CACNB4: variants seen among roughly 807,000 people sequenced by gnomAD.
CACNB4 encodes calcium voltage-gated channel auxiliary subunit beta 4.
In CACNB4, 32 loss-of-function variants were observed where a neutral mutation model predicts 71.2. That is an observed-to-expected ratio of 0.45 (90% CI 0.34 to 0.60). The LOEUF (loss-of-function observed/expected upper bound fraction) is 0.60, where lower values mean the gene tolerates loss of function less well. Among genes scored for constraint, CACNB4 ranks in the 20% least tolerant of loss-of-function variants. The probability of loss-of-function intolerance (pLI) is 0.01; values close to 1 mark genes in which losing one functional copy is unlikely to be tolerated. For synonymous variants in CACNB4, 231 were observed against 236.9 expected, an observed-to-expected ratio of 0.97 and a Z score of 0.23; for missense variants, 464 against 647.9, an observed-to-expected ratio of 0.72 and a Z score of 3.08.
chr2:151,872,645 T>C, intron 5 of CACNB4, 152 bp from the exon 6 acceptor site: 1 of 530,292 alleles, frequency 1.9e-6, no homozygotes, highest in South Asian at 2.5e-5. Context: ...TATCCAAATG[T>C]TTTCTTTGAC....
intron 2 of CACNB4, among the ~76,000 whole-genome samples, chr2:152,025,037 C>G (rs767176958): frequency 3.3e-5 from 5 of 152,190 alleles, no homozygotes. Flanking sequence ...GCCTGGGCAA[C>G]AGAGTGAGAC....
chr2:152,086,166 CAG>C (rs1165625397), intron 2 of CACNB4, among the ~76,000 whole-genome samples: 4 of 152,160 alleles, frequency 2.6e-5, no homozygotes, highest in Non-Finnish European at 4.4e-5. Context: ...ATCGATTTGA[CAG>C]AGTTTTTAAA....
At chr2:151,953,586 C>T (rs1006439366) in intron 2 of CACNB4, among the ~76,000 whole-genome samples, 1 of 152,182 alleles carries the variant, frequency 6.6e-6, no homozygotes, top group Non-Finnish European at 1.5e-5. Flanking sequence ...GTGTGGAGCA[C>T]AATTGTCCAA....
chr2:151,870,689 T>C lies in CACNB4; in HGVS notation c.619-78A>G. The C allele has an allele frequency of 3.0e-6, 4 of 1,333,890 alleles. No individual in the cohort carries two copies. The South Asian group carries it at 3.7e-5, about 12-fold the overall frequency. 82.6% of individuals were successfully genotyped at this position (1,333,890 alleles called of 1,614,324 possible). On this transcript the variant is annotated intron_variant, in intron 7 of 13. Coordinates refer to ENST00000539935, the MANE Select transcript of CACNB4 (RefSeq NM_000726.5). ...CACAGCCACAACATTCATAATTTCATAATTCTCAGGTTGAACGACAAATGA... is the reference window on the plus strand; with the variant it reads ...CACAGCCACAACATTCATAATTTCACAATTCTCAGGTTGAACGACAAATGA...
chr2:151,869,062 T>C, intron 9 of CACNB4, 115 bp downstream of exon 9: 1 of 669,292 alleles, frequency 1.5e-6, no homozygotes. Flanking sequence ...GAATACTGAG[T>C]TAACTTTTAA....
At chr2:152,038,293 G>T (rs1009248414) in intron 2 of CACNB4, among the ~76,000 whole-genome samples, 1 of 152,212 alleles carries the variant, frequency 6.6e-6, no homozygotes, top group Non-Finnish European at 1.5e-5. Flanking sequence ...TGCACAAGTT[G>T]CTGAGAACCA....
In CACNB4 at chr2:152,033,039, C is replaced by T. The variant is rs137963188; in HGVS notation, c.147+65291G>A. ...TCCCCTGCAGAGGTTCTGCTTCAGG[C>T]CTAAGTGAGGCAGTGGCAGCCAGGC... On this transcript the variant is annotated intron_variant, in intron 2 of 13. Coordinates refer to ENST00000539935, the MANE Select transcript of CACNB4 (RefSeq NM_000726.5). Among the ~76,000 whole-genome samples the T allele has an allele frequency of 1.8e-3, 268 of 152,302 alleles. 1 individual carries two copies. The highest frequency in any genetic ancestry group is 6.2e-3 in the African/African-American group (258 of 41,564).
At chr2:152,091,766 C>T (rs1036316586) in intron 2 of CACNB4, among the ~76,000 whole-genome samples, 1 of 152,156 alleles carries the variant, frequency 6.6e-6, no homozygotes, top group African/African-American at 2.4e-5. Context: ...TCCCAGAATC[C>T]CAGGTCAGTG....
At chr2:152,078,704 A>G (rs1687174130) in intron 2 of CACNB4, among the ~76,000 whole-genome samples, 1 of 152,184 alleles carries the variant, frequency 6.6e-6, no homozygotes, top group African/African-American at 2.4e-5. Context: ...TAATGACTGT[A>G]GGGGTCACAC....
chr2:151,842,971 T>C (rs2099836608), intron 12 of CACNB4, among the ~76,000 whole-genome samples: 1 of 152,222 alleles, frequency 6.6e-6, no homozygotes, highest in Non-Finnish European at 1.5e-5. Context: ...TTAGGATTAA[T>C]AACAGAAAAC....
chr2:151,905,717 A>G (rs780192183), intron 2 of CACNB4, among the ~76,000 whole-genome samples: 12 of 152,264 alleles, frequency 7.9e-5, no homozygotes, highest in Non-Finnish European at 1.3e-4. Context: ...AGCAAGGGAA[A>G]GATGACCAGC....
intron 2 of CACNB4, among the ~76,000 whole-genome samples, chr2:151,905,250 T>C (rs1458825326): frequency 6.6e-6 from 1 of 152,232 alleles, no homozygotes; most frequent in Non-Finnish European, 1.5e-5. Flanking sequence ...CCTGGAGTTC[T>C]CTCCAGCCCA....
At chr2:151,949,725 A>G (rs1289706289) in intron 2 of CACNB4, among the ~76,000 whole-genome samples, 2 of 152,158 alleles carry the variant, frequency 1.3e-5, no homozygotes, top group Non-Finnish European at 2.9e-5. Context: ...TCATATAGGT[A>G]AATAACATGA....
intron 4 of CACNB4, among the ~76,000 whole-genome samples, chr2:151,878,578 C>G: frequency 6.6e-6 from 1 of 151,478 alleles, no homozygotes; most frequent in Admixed American, 6.6e-5. Flanking sequence ...CACACACACA[C>G]ACAGTTAGCT....
At chr2:151,952,711 C>T (rs939147117) in intron 2 of CACNB4, among the ~76,000 whole-genome samples, 13 of 152,266 alleles carry the variant, frequency 8.5e-5, no homozygotes, top group African/African-American at 1.2e-4. Context: ...GGCAAATCAA[C>T]GCCCTGATTC....
At chr2:151,986,552 T>C (rs1003010060) in intron 2 of CACNB4, among the ~76,000 whole-genome samples, 6 of 152,216 alleles carry the variant, frequency 3.9e-5, no homozygotes, top group Non-Finnish European at 7.3e-5. Context: ...TAGAATCATC[T>C]ATAGCTATTG....
chr2:151,869,496 C>G (rs1303286911), intron 8 of CACNB4: 2 of 358,684 alleles, frequency 5.6e-6, no homozygotes, highest in Non-Finnish European at 1.0e-5. Context: ...CCTCTTCCCT[C>G]TTCCCTCGTT....
rs185865749 is a variant in CACNB4 at position 152,052,815 on chromosome 2, T to C, written c.147+45515A>G. On this transcript the variant is annotated intron_variant, in intron 2 of 13. Coordinates refer to ENST00000539935, the MANE Select transcript of CACNB4 (RefSeq NM_000726.5). ...CAACATAGTAAAACCCCATCTCTAC[T>C]AAAAATACAAAAAAAAATTGGCTGG... is the stretch of plus-strand genomic sequence containing the variant. Among the ~76,000 whole-genome samples, 248 of 151,706 alleles carry C rather than the reference T, an allele frequency of 1.6e-3. 2 individuals are homozygous for C. The highest frequency in any genetic ancestry group is 5.6e-3 in the African/African-American group (233 of 41,364).
intron 2 of CACNB4, chr2:151,971,447 C>T (rs756009270): frequency 1.4e-5 from 10 of 700,858 alleles, no homozygotes; most frequent in Admixed American, 4.0e-5. Flanking sequence ...TATATATTCT[C>T]GGACTGCAGC....
Sources: allele counts gnomAD v4.1 joint callset (sites outside exome capture counted in the v4.1 genomes callset), GRCh38; gene constraint gnomAD v4.1.1; transcripts MANE v1.5; gene names NCBI Gene and HGNC (gene_info 2026-07-23, HGNC 2026-07-21).